Variants in DOK5 observed in about 807,000 individuals in gnomAD.
The protein encoded by DOK5 is docking protein 5.
DOK5 carries 27 observed loss-of-function variants against 43.3 expected under a neutral mutation model. The ratio of observed to expected loss-of-function variants is 0.62; its 90% CI spans 0.46 to 0.86. The LOEUF is 0.86. Ranked by LOEUF, DOK5 falls within the 40% of genes least tolerant of loss-of-function variation. The pLI, the probability that DOK5 is intolerant of heterozygous loss-of-function variation, is 0.00. For synonymous variants in DOK5, 146 were observed against 140.1 expected, an observed-to-expected ratio of 1.04 and a Z score of -0.30; for missense variants, 373 against 392.9, an observed-to-expected ratio of 0.95 and a Z score of 0.43.
At chr20:54,576,244 A>G (rs1386016911) in intron 2 of DOK5, among the ~76,000 whole-genome samples, 1 of 152,170 alleles carries the variant, frequency 6.6e-6, no homozygotes, top group Non-Finnish European at 1.5e-5. Context: ...ATATGTTTCT[A>G]TAAGAGATAC....
At chr20:54,571,841 C>T (rs1985291656) in intron 2 of DOK5, among the ~76,000 whole-genome samples, 1 of 152,214 alleles carries the variant, frequency 6.6e-6, no homozygotes, top group Non-Finnish European at 1.5e-5. Context: ...TCATGCTCAT[C>T]AGTTTCCTGT....
chr20:54,568,546 A>C (rs7270771), intron 2 of DOK5, among the ~76,000 whole-genome samples: 3,889 of 152,302 alleles, frequency 0.026, 147 homozygotes, highest in African/African-American at 0.088. Context: ...GAAATCTACT[A>C]ATCGGTTTAC....
intron 1 of DOK5, among the ~76,000 whole-genome samples, chr20:54,501,856 A>G (rs978003252): frequency 6.6e-6 from 1 of 152,216 alleles, no homozygotes; most frequent in Non-Finnish European, 1.5e-5. Context: ...ATTTGTTCTG[A>G]AACTAGAAAG....
chr20:54,635,056 T>C (rs1330175272), intron 6 of DOK5, among the ~76,000 whole-genome samples: 1 of 152,158 alleles, frequency 6.6e-6, no homozygotes, highest in Non-Finnish European at 1.5e-5. Flanking sequence ...CAGCCCATGA[T>C]GGGAAGTGGG....
intron 1 of DOK5, among the ~76,000 whole-genome samples, chr20:54,486,031 G>C (rs1981920118): frequency 6.6e-6 from 1 of 152,150 alleles, no homozygotes; most frequent in Admixed American, 6.6e-5. Flanking sequence ...ATCCCTTTTA[G>C]ATAAGTGGTT....
intron 1 of DOK5, among the ~76,000 whole-genome samples, chr20:54,547,343 A>G (rs1568777607): frequency 1.3e-5 from 2 of 152,194 alleles, no homozygotes; most frequent in South Asian, 4.1e-4. Flanking sequence ...CAGGCAGTGT[A>G]CTATTTCCTT....
chr20:54,509,023 C>T (rs1381474049), intron 1 of DOK5, among the ~76,000 whole-genome samples: 1 of 151,662 alleles, frequency 6.6e-6, no homozygotes, highest in African/African-American at 2.4e-5. Context: ...ATTACAGGCA[C>T]ACGCCACCCC....
Position 54,498,786 on chromosome 20 carries a change from T to G in DOK5, c.66+22774T>G, listed in dbSNP as rs924657261. On this transcript the variant is annotated intron_variant, in intron 1 of 7. Coordinates refer to ENST00000262593, the MANE Select transcript of DOK5 (RefSeq NM_018431.5). ...AGCTTATTTTATTCACAAGCTAGTA[T>G]TTTTGCAGATTTTCACTCTTTAGCC... 4.6e-5 allele frequency among the ~76,000 whole-genome samples: 7 copies of G among 152,338 alleles called. No individual in the cohort carries two copies. In the South Asian group the frequency reaches 1.5e-3, roughly 32 times the overall value.
At chr20:54,507,081 A>T (rs957789342) in intron 1 of DOK5, among the ~76,000 whole-genome samples, 5 of 152,358 alleles carry the variant, frequency 3.3e-5, no homozygotes, top group Admixed American at 3.3e-4. Flanking sequence ...AGGATTCTAT[A>T]AAATCAGTCA....
At chr20:54,602,302 G>A (rs955439209) in intron 5 of DOK5, among the ~76,000 whole-genome samples, 1 of 152,206 alleles carries the variant, frequency 6.6e-6, no homozygotes, top group African/African-American at 2.4e-5. Flanking sequence ...ACTTCGAGAA[G>A]TCAAGGCACT....
chr20:54,545,943 G>C (rs1984328134), intron 1 of DOK5, among the ~76,000 whole-genome samples: 1 of 152,220 alleles, frequency 6.6e-6, no homozygotes, highest in Non-Finnish European at 1.5e-5. Flanking sequence ...TTTAGATTAT[G>C]ATAAGCATGA....
rs114025120 is a variant in DOK5, at chr20:54,650,746, C to T, written c.*267C>T. ...CAGCTGGACAGAAAGAAGTCAATGT[C>T]ACGAAATGATTTTCTATTGTAGATA... On this transcript the variant is annotated 3_prime_UTR_variant, in exon 8 of 8. Transcript: ENST00000262593. The T allele has an allele frequency of 6.0e-5, 20 of 332,670 alleles. No individual in the cohort carries two copies. Among genetic ancestry groups the T allele is most frequent in the Non-Finnish European group, 9.8e-5 (18 of 184,046 alleles). 20.6% of individuals were successfully genotyped at this position (332,670 alleles called of 1,614,324 possible).
intron 2 of DOK5, among the ~76,000 whole-genome samples, chr20:54,578,669 A>G (rs1438950703): frequency 6.6e-6 from 1 of 152,218 alleles, no homozygotes; most frequent in African/African-American, 2.4e-5. Context: ...TTCTGTTAGT[A>G]ATGAAAATTT....
chr20:54,633,941 A>C (rs1242207222), intron 6 of DOK5, among the ~76,000 whole-genome samples: 1 of 152,252 alleles, frequency 6.6e-6, no homozygotes, highest in Admixed American at 6.5e-5. Flanking sequence ...ATGCTCTACC[A>C]TAAAAACAGT....
chr20:54,476,000 C>A lies in DOK5; in HGVS notation c.54C>A (p.Ser18Arg), dbSNP rs759610972. 1.9e-6 allele frequency: 3 copies of A among 1,613,420 alleles called. No individual in the cohort carries two copies. Among genetic ancestry groups the A allele is most frequent in the Admixed American group, 3.3e-5 (2 of 60,018 alleles). The change falls in exon 1 of 8, where the codon AGC becomes AGA. Residue 18 changes from serine to arginine, a missense_variant. Coordinates refer to ENST00000262593, the MANE Select transcript of DOK5 (RefSeq NM_018431.5). This position sits in a 1 kb window ranked among gnomAD's most constrained non-coding sequence, Gnocchi z 4.2. ...IVKQGYVRIR[S>R]RRLGIYQRCW... is the part of the protein sequence containing the mutation. ...AGCAAGGGTACGTGAGGATCCGGAG[C>A]AGACGCCTCGGGGTGAGTATCGATC...
chr20:54,520,713 G>C (rs1983362787), intron 1 of DOK5, among the ~76,000 whole-genome samples: 1 of 152,082 alleles, frequency 6.6e-6, no homozygotes, highest in African/African-American at 2.4e-5. Flanking sequence ...TTGAGCCCAG[G>C]AGGTTGAGTC....
At chr20:54,589,247 A>G (rs1441280967) in intron 4 of DOK5, among the ~76,000 whole-genome samples, 1 of 152,200 alleles carries the variant, frequency 6.6e-6, no homozygotes, top group Non-Finnish European at 1.5e-5. Flanking sequence ...TTGGACCTAT[A>G]TTACAGTTTA....
At chr20:54,613,192 ATC>A (rs11468450) in intron 6 of DOK5, among the ~76,000 whole-genome samples, 17,479 of 142,462 alleles carry the variant, frequency 0.12, 3,005 homozygotes, top group African/African-American at 0.39. Context: ...TCTGCGCCTC[ATC>A]TCTCTCTCTC....
chr20:54,484,574 A>C (rs1347374970), intron 1 of DOK5, among the ~76,000 whole-genome samples: 1 of 152,238 alleles, frequency 6.6e-6, no homozygotes, highest in Non-Finnish European at 1.5e-5. Flanking sequence ...CAATGATACA[A>C]TTAAGATATA....
Sources: allele counts gnomAD v4.1 joint callset (sites outside exome capture counted in the v4.1 genomes callset), GRCh38; gene constraint gnomAD v4.1.1; non-coding constraint Gnocchi (gnomAD v3.1); transcripts MANE v1.5; gene names NCBI Gene and HGNC (gene_info 2026-07-23, HGNC 2026-07-21).